The following SLC10A6 variants were observed in gnomAD, a reference collection of about 807,000 sequenced individuals.
SLC10A6 encodes the protein solute carrier family 10 member 6, also known as sodium-dependent organic anion transporter.
A neutral mutation model predicts 30.0 loss-of-function variants in SLC10A6; 27 were observed. That is an observed-to-expected ratio of 0.90 (90% CI 0.66 to 1.24). The LOEUF (loss-of-function observed/expected upper bound fraction) is 1.24, where lower values mean the gene tolerates loss of function less well. Among genes scored for constraint, SLC10A6 ranks in the 50% most tolerant of loss-of-function variants. The pLI is 0.00. For synonymous variants in SLC10A6, 166 were observed against 173.8 expected, an observed-to-expected ratio of 0.95 and a Z score of 0.36; for missense variants, 439 against 457.0, an observed-to-expected ratio of 0.96 and a Z score of 0.36.
intron 2 of SLC10A6, among the ~76,000 whole-genome samples, 186 bp from the exon 3 acceptor site, chr4:86,832,066 G>A (rs62305602): frequency 7.9e-5 from 12 of 152,102 alleles, no homozygotes; most frequent in Admixed American, 2.6e-4. Flanking sequence ...AACATTTTGC[G>A]TCTTGTGAGT....
chr4:86,848,900 C>A lies in SLC10A6; in HGVS notation c.216G>T (p.Leu72=). 1 of 1,614,208 alleles carries A rather than the reference C, an allele frequency of 6.2e-7. No individual in the cohort carries two copies. Among genetic ancestry groups the A allele is most frequent in the Non-Finnish European group, 8.5e-7 (1 of 1,180,022 alleles). Residue 72 remains leucine (L), a synonymous_variant, in exon 1 of 6, where the codon CTG becomes CTT. Coordinates refer to ENST00000273905, the MANE Select transcript of SLC10A6 (RefSeq NM_197965.3). ...AAGGCATGAGCCCAAACTGGCAGAG[C>A]AGTCCCACAGCAATGCCCCAGGGTC... ...IRRPWGIAVG[L]LCQFGLMPFT...
chr4:86,828,211 T>C, intron 3 of SLC10A6, 43 bp from the exon 4 acceptor site: 1 of 1,587,154 alleles, frequency 6.3e-7, no homozygotes, highest in South Asian at 1.1e-5. Flanking sequence ...CTCAGGGTTT[T>C]TTGCTCTATG....
intron 1 of SLC10A6, among the ~76,000 whole-genome samples, chr4:86,837,291 A>G (rs1746211274): frequency 1.6e-4 from 6 of 37,942 alleles, no homozygotes; most frequent in South Asian, 1.1e-3. Flanking sequence ...AAGAAAAAGA[A>G]AGGAAGGAAG....
chr4:86,844,406 A>G (rs907382588), intron 1 of SLC10A6, among the ~76,000 whole-genome samples: 1 of 152,114 alleles, frequency 6.6e-6, no homozygotes, highest in African/African-American at 2.4e-5. Context: ...AATGCCCCCT[A>G]TTCTTCACCC....
chr4:86,842,875 T>A (rs1000775773), intron 1 of SLC10A6, among the ~76,000 whole-genome samples: 4 of 86,838 alleles, frequency 4.6e-5, no homozygotes, highest in Non-Finnish European at 6.3e-5. Context: ...TCTTTCTTTC[T>A]TTTTTTTTTT....
At chr4:86,846,486 G>A (rs180793629) in intron 1 of SLC10A6, among the ~76,000 whole-genome samples, 101 of 152,246 alleles carry the variant, frequency 6.6e-4, no homozygotes, top group African/African-American at 2.3e-3. Context: ...TTGGGAGGCC[G>A]AGACAAGAGG....
intron 1 of SLC10A6, among the ~76,000 whole-genome samples, chr4:86,839,577 G>GAAATATGCCATAATCT (rs1403600222): frequency 2.0e-5 from 3 of 152,092 alleles, no homozygotes; most frequent in Non-Finnish European, 2.9e-5. Flanking sequence ...AAAGAACTGC[G>GAAATATGCCATAATCT]AAATATGCCA....
At chr4:86,827,404 G>A (rs1373362829) in intron 4 of SLC10A6, among the ~76,000 whole-genome samples, 1 of 152,196 alleles carries the variant, frequency 6.6e-6, no homozygotes, top group Non-Finnish European at 1.5e-5. Flanking sequence ...AAATGAGATA[G>A]ATGGGGTAAA....
intron 1 of SLC10A6, among the ~76,000 whole-genome samples, chr4:86,837,245 A>AAGAAAG: frequency 8.8e-6 from 1 of 113,740 alleles, no homozygotes; most frequent in East Asian, 2.3e-4. Context: ...GAAAGAAAGA[A>AAGAAAG]AGAAAGAAAG....
intron 1 of SLC10A6, among the ~76,000 whole-genome samples, chr4:86,837,272 A>G (rs1053691908): frequency 9.0e-6 from 1 of 110,996 alleles, no homozygotes; most frequent in African/African-American, 3.5e-5. Context: ...AGAAAGAAAG[A>G]AAGAAAGAAA....
chr4:86,842,582 C>T (rs1256140660), intron 1 of SLC10A6, among the ~76,000 whole-genome samples: 2 of 151,828 alleles, frequency 1.3e-5, no homozygotes, highest in African/African-American at 2.4e-5. Context: ...GTCCCAGCTG[C>T]GCTGCTCAGA....
chr4:86,840,299 T>C (rs1240028035), intron 1 of SLC10A6, among the ~76,000 whole-genome samples: 1 of 152,144 alleles, frequency 6.6e-6, no homozygotes, highest in East Asian at 1.9e-4. Flanking sequence ...ACAATCTTGC[T>C]TGTCAGACTT....
chr4:86,841,459 A>T (rs781558371), intron 1 of SLC10A6, among the ~76,000 whole-genome samples: 8 of 152,206 alleles, frequency 5.3e-5, no homozygotes, highest in Non-Finnish European at 1.0e-4. Flanking sequence ...TAAACAGAGG[A>T]TGTGGCTAAG....
chr4:86,840,894 A>G (rs1274287509), intron 1 of SLC10A6, among the ~76,000 whole-genome samples: 1 of 152,156 alleles, frequency 6.6e-6, no homozygotes, highest in African/African-American at 2.4e-5. Context: ...GAAACCCAAA[A>G]TTATTTTATC....
Position 86,828,106 on chromosome 4 carries a change from C to T in SLC10A6, c.648G>A (p.Ala216=), listed in dbSNP as rs534770618. 1.9e-6 allele frequency: 3 copies of T among 1,613,882 alleles called. No homozygotes were observed. The highest frequency in any genetic ancestry group is 2.2e-5 in the East Asian group (1 of 44,854). ...LVVAVAGVVL[A]KGSWNSDITL... is the part of the protein sequence containing the mutation. ...TGATGTCTGAATTCCAAGATCCTTT[C>T]GCCAGGACCACACCAGCAACTGCGA... Residue 216 remains alanine, a synonymous_variant, in exon 4 of 6, where the codon GCG becomes GCA. Transcript: ENST00000273905.
intron 1 of SLC10A6, among the ~76,000 whole-genome samples, chr4:86,839,012 T>C (rs1156546790): frequency 6.6e-6 from 1 of 151,634 alleles, no homozygotes; most frequent in Non-Finnish European, 1.5e-5. Flanking sequence ...CTTTCAGAAA[T>C]CCAAACTTAG....
intron 1 of SLC10A6, among the ~76,000 whole-genome samples, chr4:86,838,423 T>C (rs1319587643): frequency 6.6e-6 from 1 of 152,186 alleles, no homozygotes; most frequent in Non-Finnish European, 1.5e-5. Context: ...GAAGAGCTCG[T>C]TAAATACTTA....
At position 86,828,147 on chromosome 4, in the gene SLC10A6, C is replaced by A. The variant is rs751399581; in HGVS notation, c.607G>T (p.Val203Phe). 12 of 1,612,230 alleles carry A rather than the reference C, an allele frequency of 7.4e-6. No individual in the cohort carries two copies. The Admixed American group carries it at 1.8e-4, about 25-fold the overall frequency. Reference protein sequence around the residue: ...ILKIGAVVGGVLLLVVAVAGV... With the variant: ...ILKIGAVVGGFLLLVVAVAGV... ...GCAACTGCGACCACCAGAAGGAGGA[C>A]CCCACCAACAACGGCCCCAATCTGA... is the stretch of plus-strand genomic sequence containing the variant. Residue 203 changes from valine to phenylalanine, a missense_variant, in exon 4 of 6, where the codon GTC becomes TTC. Val to Phe is a conservative substitution (Grantham distance 50). Transcript: ENST00000273905.
chr4:86,843,718 G>A (rs1023016258), intron 1 of SLC10A6, among the ~76,000 whole-genome samples: 5 of 151,966 alleles, frequency 3.3e-5, no homozygotes, highest in African/African-American at 1.2e-4. Flanking sequence ...CCTTGAGCAG[G>A]GACTAAAACA....
Sources: gnomAD v4.1 joint callset for allele counts (sites outside exome capture counted in the v4.1 genomes callset) on GRCh38, gnomAD v4.1.1 for gene constraint, MANE v1.5 for transcripts, NCBI Gene and HGNC (gene_info 2026-07-23, HGNC 2026-07-21) for gene names.